The following METTL15 variants were observed in gnomAD, a reference collection of about 807,000 sequenced individuals.
METTL15 encodes methyltransferase 15, mitochondrial 12S rRNA N4-cytidine, also known as 12S rRNA N(4)-cytidine methyltransferase METTL15.
METTL15 carries 34 observed loss-of-function variants against 38.3 expected under a neutral mutation model. The ratio of observed to expected loss-of-function variants is 0.89; its 90% CI spans 0.68 to 1.18. METTL15 has a LOEUF of 1.18. Ranked by LOEUF, METTL15 falls within the 50% of genes most tolerant of loss-of-function variation. The pLI is 0.00. For synonymous variants in METTL15, 162 were observed against 170.9 expected (o/e 0.95, Z 0.41); for missense variants, 438 against 498.4 (o/e 0.88, Z 1.15).
At chr11:28,167,328 C>G (rs1409810344) in intron 3 of METTL15, among the ~76,000 whole-genome samples, 2 of 152,070 alleles carry the variant, frequency 1.3e-5, no homozygotes, top group African/African-American at 2.4e-5. Flanking sequence ...CATGGGAGAA[C>G]CAGATCTGAA....
At chr11:28,207,815 A>G (rs184077712) in intron 3 of METTL15, among the ~76,000 whole-genome samples, 3 of 152,126 alleles carry the variant, frequency 2.0e-5, no homozygotes, top group African/African-American at 7.2e-5. Flanking sequence ...CAGAGATTCA[A>G]CTTCTTCCTG....
At chr11:28,514,038 A>G (rs1440538414) in intron 6 of METTL15, among the ~76,000 whole-genome samples, 4 of 152,258 alleles carry the variant, frequency 2.6e-5, no homozygotes, top group African/African-American at 9.6e-5. Context: ...GAGGGAAGGT[A>G]CATGATGTGT....
chr11:28,389,760 C>G (rs1361753640), intron 5 of METTL15, among the ~76,000 whole-genome samples: 5 of 151,586 alleles, frequency 3.3e-5, no homozygotes, highest in Non-Finnish European at 7.4e-5. Flanking sequence ...AATGGGATGG[C>G]TGGGTCAAAT....
At chr11:28,522,592 A>G (rs974482436) in intron 6 of METTL15, among the ~76,000 whole-genome samples, 1 of 152,260 alleles carries the variant, frequency 6.6e-6, no homozygotes, top group African/African-American at 2.4e-5. Context: ...AGAATAATGT[A>G]TCTAGGTGTC....
chr11:28,250,569 A>ATT (rs773425054), intron 4 of METTL15, among the ~76,000 whole-genome samples: 69,815 of 147,956 alleles, frequency 0.47, 17,567 homozygotes, highest in Admixed American at 0.56. Flanking sequence ...CTTTTTTTAA[A>ATT]AAAAAAAATG....
At chr11:28,176,442 A>G (rs1191550846) in intron 3 of METTL15, among the ~76,000 whole-genome samples, 1 of 152,178 alleles carries the variant, frequency 6.6e-6, no homozygotes, top group African/African-American at 2.4e-5. Flanking sequence ...GATTTTTACT[A>G]GCTATGCCCT....
chr11:28,244,405 G>A (rs990909522), intron 4 of METTL15, among the ~76,000 whole-genome samples: 1 of 152,034 alleles, frequency 6.6e-6, no homozygotes, highest in African/African-American at 2.4e-5. Flanking sequence ...ATATTCTGTG[G>A]TATTTAAGTA....
intron 6 of METTL15, among the ~76,000 whole-genome samples, chr11:28,321,221 C>A (rs1849455606): frequency 6.6e-6 from 1 of 152,272 alleles, no homozygotes; most frequent in African/African-American, 2.4e-5. Flanking sequence ...TGCTTCTGAA[C>A]ATTTTTTAAC....
At chr11:28,252,178 G>T (rs758361799) in intron 4 of METTL15, among the ~76,000 whole-genome samples, 14 of 152,086 alleles carry the variant, frequency 9.2e-5, no homozygotes, top group Non-Finnish European at 1.8e-4. Context: ...TACTCAAGTG[G>T]GAGGCAGACA....
chr11:28,475,251 C>T (rs1851336085), intron 6 of METTL15, among the ~76,000 whole-genome samples: 1 of 152,178 alleles, frequency 6.6e-6, no homozygotes, highest in Non-Finnish European at 1.5e-5. Context: ...AGCCAAGCTT[C>T]ATGTTGGTAA....
intron 3 of METTL15, among the ~76,000 whole-genome samples, chr11:28,191,354 A>G (rs1177074553): frequency 1.3e-5 from 2 of 151,196 alleles, no homozygotes; most frequent in Admixed American, 6.6e-5. Flanking sequence ...CTGAGAATTT[A>G]ATAGTCAACT....
chr11:28,296,464 C>T (rs1483159686), intron 5 of METTL15, among the ~76,000 whole-genome samples: 2 of 152,034 alleles, frequency 1.3e-5, no homozygotes, highest in Non-Finnish European at 2.9e-5. Flanking sequence ...GAGAAAAATA[C>T]ACAGGAAATA....
At chr11:28,274,462 T>C (rs544242666) in intron 4 of METTL15, among the ~76,000 whole-genome samples, 3 of 152,026 alleles carry the variant, frequency 2.0e-5, no homozygotes, top group Non-Finnish European at 4.4e-5. Context: ...TTCAGCAGCA[T>C]TGTCAGTGAG....
Position 28,353,795 on chromosome 11 carries a change from G to A in METTL15, c.*258+1637G>A, listed in dbSNP as rs571055904. 6.6e-5 allele frequency among the ~76,000 whole-genome samples: 10 copies of A among 151,680 alleles called. No homozygotes were observed. In the South Asian group the frequency reaches 2.1e-3, roughly 32 times the overall value. Reference sequence around the variant, plus strand: ...AAAAAATTAGCCGGGCGCGGTGGCGGGCGCCTGTAGTCCCAGCTACTGGGG... The same window carrying A: ...AAAAAATTAGCCGGGCGCGGTGGCGAGCGCCTGTAGTCCCAGCTACTGGGG... On this transcript the variant is annotated intron_variant and NMD_transcript_variant, in intron 4 of 7. Coordinates refer to the METTL15 transcript ENST00000532947.
chr11:28,448,118 A>G (rs1011667337), intron 6 of METTL15, among the ~76,000 whole-genome samples: 3 of 151,652 alleles, frequency 2.0e-5, no homozygotes, highest in African/African-American at 4.9e-5. Context: ...TCTCACTTTC[A>G]TCACAGAGTA....
At chr11:28,454,472 G>A (rs1198917212) in intron 6 of METTL15, among the ~76,000 whole-genome samples, 1 of 152,152 alleles carries the variant, frequency 6.6e-6, no homozygotes, top group Non-Finnish European at 1.5e-5. Context: ...AGGGTTTTGT[G>A]TATGAGTCAC....
At chr11:28,234,651 TG>T (rs1271277356) in intron 4 of METTL15, among the ~76,000 whole-genome samples, 18 of 149,038 alleles carry the variant, frequency 1.2e-4, no homozygotes, top group African/African-American at 4.4e-4. Context: ...TTGATGGGGT[TG>T]TTTGTTTTTT....
chr11:28,254,815 A>G, intron 4 of METTL15, among the ~76,000 whole-genome samples: 1 of 152,002 alleles, frequency 6.6e-6, no homozygotes, highest in Admixed American at 6.6e-5. Context: ...TGGATTCTCT[A>G]TTCTCTTCCA....
intron 6 of METTL15, among the ~76,000 whole-genome samples, chr11:28,300,226 A>G (rs2134007617): frequency 6.6e-6 from 1 of 152,250 alleles, no homozygotes; most frequent in African/African-American, 2.4e-5. Flanking sequence ...CTATATTTAA[A>G]TGTGTTTTCT....
Sources: gnomAD v4.1 joint callset for allele counts (sites outside exome capture counted in the v4.1 genomes callset) on GRCh38, gnomAD v4.1.1 for gene constraint, MANE v1.5 for transcripts, NCBI Gene and HGNC (gene_info 2026-07-23, HGNC 2026-07-21) for gene names.